Variants in DAB1 observed in about 807,000 individuals in gnomAD.
DAB1 encodes DAB adaptor protein 1, also known as disabled homolog 1.
A neutral mutation model predicts 64.6 loss-of-function variants in DAB1; 15 were observed. The ratio of observed to expected loss-of-function variants is 0.23; its 90% CI spans 0.16 to 0.36. The LOEUF (loss-of-function observed/expected upper bound fraction) is 0.36. Ranked by LOEUF, DAB1 falls within the 10% of genes least tolerant of loss-of-function variation. The probability of loss-of-function intolerance (pLI) is 1.00; values close to 1 mark genes in which losing one functional copy is unlikely to be tolerated. For missense variants in DAB1, 596 were observed against 706.7 expected, an observed-to-expected ratio of 0.84 and a Z score of 1.78; for synonymous variants, 235 against 251.9, an observed-to-expected ratio of 0.93 and a Z score of 0.64.
Position 57,504,200 on chromosome 1 carries a change from C to T in DAB1, n.625+145392G>A, listed in dbSNP as rs551362560. Reference sequence around the variant, plus strand: ...AATTCTTAGCAGCTTCATTCTGTGTCCTTAAAGTAAAGGGAAAAGTGACAT... The same window carrying T: ...AATTCTTAGCAGCTTCATTCTGTGTTCTTAAAGTAAAGGGAAAAGTGACAT... On this transcript the variant is annotated intron_variant and non_coding_transcript_variant, in intron 7 of 20. Transcript: ENST00000485760. Among the ~76,000 whole-genome samples the T allele has an allele frequency of 3.3e-5, 5 of 152,180 alleles. No individual in the cohort carries two copies. In the East Asian group the frequency reaches 9.7e-4, roughly 29 times the overall value.
intron 5 of DAB1, among the ~76,000 whole-genome samples, chr1:58,019,187 A>G (rs1646782850): frequency 6.6e-6 from 1 of 152,206 alleles, no homozygotes; most frequent in Admixed American, 6.5e-5. Context: ...TGGCCAATAA[A>G]TGAAGGGTGA....
At chr1:57,761,584 G>A (rs1047195690) in intron 6 of DAB1, among the ~76,000 whole-genome samples, 2 of 152,312 alleles carry the variant, frequency 1.3e-5, no homozygotes, top group East Asian at 1.9e-4. Context: ...AGAGGGCATT[G>A]TCTTTCTCTT....
At chr1:58,083,431 G>A (rs950143834) in intron 5 of DAB1, among the ~76,000 whole-genome samples, 3 of 152,162 alleles carry the variant, frequency 2.0e-5, no homozygotes, top group African/African-American at 2.4e-5. Flanking sequence ...CATCTATGCC[G>A]CACAATGCCC....
chr1:58,237,759 T>C (rs1660111813), intron 4 of DAB1, among the ~76,000 whole-genome samples: 1 of 152,184 alleles, frequency 6.6e-6, no homozygotes, highest in Admixed American at 6.5e-5. Context: ...GGCTTCAGCA[T>C]ATTTTGGTGT....
intron 12 of DAB1, among the ~76,000 whole-genome samples, chr1:57,014,262 A>T (rs1228079068): frequency 1.3e-5 from 2 of 152,232 alleles, no homozygotes; most frequent in African/African-American, 4.8e-5. Flanking sequence ...TTTCTGCAGC[A>T]CTATCTTTTT....
At chr1:58,532,755 G>A (rs373712955) in intron 1 of DAB1, among the ~76,000 whole-genome samples, 11 of 152,052 alleles carry the variant, frequency 7.2e-5, no homozygotes, top group African/African-American at 2.7e-4. Flanking sequence ...CAAACTCCTG[G>A]GCTCAAGCAA....
intron 6 of DAB1, among the ~76,000 whole-genome samples, chr1:57,798,353 T>A (rs1650967628): frequency 6.6e-6 from 1 of 152,188 alleles, no homozygotes; most frequent in Non-Finnish European, 1.5e-5. Flanking sequence ...TATGGACAAC[T>A]TTACACTGTA....
chr1:57,071,139 C>A, intron 6 of DAB1, 78 bp from the exon 7 acceptor site: 4 of 1,379,828 alleles, frequency 2.9e-6, no homozygotes, highest in Non-Finnish European at 3.1e-6. Flanking sequence ...TCAGAAATTA[C>A]AGGACAGTAA....
intron 3 of DAB1, among the ~76,000 whole-genome samples, chr1:58,416,331 AACC>A (rs1644719941): frequency 6.6e-6 from 1 of 152,200 alleles, no homozygotes; most frequent in Non-Finnish European, 1.5e-5. Flanking sequence ...AATACCTTTG[AACC>A]TACGTTTTTC....
At chr1:57,237,895 TA>T (rs973897046) in intron 2 of DAB1, among the ~76,000 whole-genome samples, 1 of 152,084 alleles carries the variant, frequency 6.6e-6, no homozygotes, top group Non-Finnish European at 1.5e-5. Context: ...GATATGGACA[TA>T]AAATTAATGG....
intron 6 of DAB1, among the ~76,000 whole-genome samples, chr1:57,716,391 A>C (rs1647084436): frequency 6.6e-6 from 1 of 152,210 alleles, no homozygotes; most frequent in Non-Finnish European, 1.5e-5. Flanking sequence ...AAAAACTGAG[A>C]TATAGACCAG....
chr1:58,238,638 G>A (rs1216210996), intron 4 of DAB1, among the ~76,000 whole-genome samples: 1 of 152,174 alleles, frequency 6.6e-6, no homozygotes, highest in Admixed American at 6.5e-5. Flanking sequence ...GATGTTTAAT[G>A]GGAGCATAAC....
At chr1:57,222,030 T>A (rs1236791473) in intron 2 of DAB1, among the ~76,000 whole-genome samples, 1 of 152,216 alleles carries the variant, frequency 6.6e-6, no homozygotes, top group Non-Finnish European at 1.5e-5. Context: ...GGCCAGGCAC[T>A]GTTACGCCCT....
intron 4 of DAB1, among the ~76,000 whole-genome samples, chr1:58,152,506 A>G (rs562613116): frequency 1.3e-5 from 2 of 152,278 alleles, no homozygotes; most frequent in African/African-American, 4.8e-5. Flanking sequence ...TCAAAGTACT[A>G]CCTGTGCACC....
intron 2 of DAB1, among the ~76,000 whole-genome samples, chr1:58,511,845 A>G (rs1439885227): frequency 6.6e-6 from 1 of 152,232 alleles, no homozygotes; most frequent in East Asian, 1.9e-4. Context: ...GAAAAGTTTC[A>G]TGACTTTGGT....
chr1:57,559,140 A>G (rs1645023086), intron 7 of DAB1, among the ~76,000 whole-genome samples: 1 of 152,234 alleles, frequency 6.6e-6, no homozygotes, highest in Non-Finnish European at 1.5e-5. Flanking sequence ...GCAAAGCAGT[A>G]ATCAAAATAG....
At chr1:57,889,437 T>C (rs970364602) in intron 5 of DAB1, among the ~76,000 whole-genome samples, 1 of 152,268 alleles carries the variant, frequency 6.6e-6, no homozygotes, top group African/African-American at 2.4e-5. Context: ...TTTAAAATCA[T>C]TGAATATGCT....
At chr1:57,982,322 G>C (rs1012997249) in intron 5 of DAB1, among the ~76,000 whole-genome samples, 18 of 152,210 alleles carry the variant, frequency 1.2e-4, no homozygotes, top group Non-Finnish European at 2.4e-4. Flanking sequence ...GAAGTCAACT[G>C]TGTGATTCAC....
At chr1:58,142,551 C>T (rs577609737) in intron 5 of DAB1, among the ~76,000 whole-genome samples, 1 of 152,324 alleles carries the variant, frequency 6.6e-6, no homozygotes, top group African/African-American at 2.4e-5. Context: ...TAAATCAGAG[C>T]TTTTAAATAC....
Sources: gnomAD v4.1 joint callset for allele counts (sites outside exome capture counted in the v4.1 genomes callset) on GRCh38, gnomAD v4.1.1 for gene constraint, MANE v1.5 for transcripts, NCBI Gene and HGNC (gene_info 2026-07-23, HGNC 2026-07-21) for gene names.